SPOCK1: variants seen among roughly 807,000 people sequenced by gnomAD.
The protein encoded by SPOCK1 is testican-1.
In SPOCK1, 23 loss-of-function variants were observed where a neutral mutation model predicts 55.3. The observed-to-expected ratio is 0.42, with a 90% CI of 0.30 to 0.59. The LOEUF is 0.59. SPOCK1 is among the 20% of genes least tolerant of loss of function. The probability of loss-of-function intolerance (pLI) is 0.22; values close to 1 mark genes in which losing one functional copy is unlikely to be tolerated. For missense variants in SPOCK1, 499 were observed against 552.5 expected (o/e 0.90, Z 0.97); for synonymous variants, 226 against 221.0 (o/e 1.02, Z -0.20).
intron 3 of SPOCK1, among the ~76,000 whole-genome samples, chr5:137,245,377 C>A (rs1012094395): frequency 2.6e-5 from 4 of 152,184 alleles, no homozygotes; most frequent in African/African-American, 9.7e-5. Context: ...TGGAACTTTA[C>A]AAGGCCATTC....
At chr5:137,342,818 C>A (rs1750461784) in intron 2 of SPOCK1, among the ~76,000 whole-genome samples, 3 of 152,210 alleles carry the variant, frequency 2.0e-5, no homozygotes, top group Non-Finnish European at 4.4e-5. Flanking sequence ...GTTCTGGTCT[C>A]CAAGTTCGGT....
chr5:137,059,560 T>C (rs1752359036), intron 6 of SPOCK1, among the ~76,000 whole-genome samples: 1 of 152,108 alleles, frequency 6.6e-6, no homozygotes, highest in Non-Finnish European at 1.5e-5. Context: ...ATGACAAAGA[T>C]GCCAAAAGCA....
chr5:137,151,000 C>T (rs1754308943), intron 3 of SPOCK1, among the ~76,000 whole-genome samples: 1 of 152,152 alleles, frequency 6.6e-6, no homozygotes, highest in South Asian at 2.1e-4. Context: ...ACAGCCTGGC[C>T]ACTTCTTTCT....
intron 2 of SPOCK1, among the ~76,000 whole-genome samples, chr5:137,323,550 C>T (rs1261078548): frequency 6.7e-6 from 1 of 149,286 alleles, no homozygotes; most frequent in African/African-American, 2.5e-5. Flanking sequence ...ATGGGCTCAA[C>T]AGAAGGGGAA....
At chr5:137,253,670 A>G (rs1756581463) in intron 3 of SPOCK1, among the ~76,000 whole-genome samples, 1 of 152,184 alleles carries the variant, frequency 6.6e-6, no homozygotes, top group African/African-American at 2.4e-5. Context: ...AGTCTCCTCC[A>G]TGGCAGCCTA....
chr5:137,262,402 C>T (rs1264789498), intron 3 of SPOCK1, among the ~76,000 whole-genome samples: 3 of 152,148 alleles, frequency 2.0e-5, no homozygotes, highest in Non-Finnish European at 4.4e-5. Context: ...AAAAACATCA[C>T]CTCAACTAAA....
At chr5:137,063,981 C>T (rs1384219198) in intron 6 of SPOCK1, among the ~76,000 whole-genome samples, 3 of 152,152 alleles carry the variant, frequency 2.0e-5, no homozygotes, top group Non-Finnish European at 4.4e-5. Flanking sequence ...GTTTTCTGTG[C>T]CCCTGAACAG....
intron 3 of SPOCK1, among the ~76,000 whole-genome samples, chr5:137,234,873 A>G (rs1756145589): frequency 6.6e-6 from 1 of 152,268 alleles, no homozygotes; most frequent in Non-Finnish European, 1.5e-5. Context: ...ATTACTAAAT[A>G]CCAAACATTC....
At chr5:137,349,473 G>A (rs1750629798) in intron 2 of SPOCK1, among the ~76,000 whole-genome samples, 1 of 152,224 alleles carries the variant, frequency 6.6e-6, no homozygotes, top group Non-Finnish European at 1.5e-5. Flanking sequence ...GGAAGATCAA[G>A]CTTACAGCAT....
chr5:136,982,310 T>G (rs913799292), intron 9 of SPOCK1, among the ~76,000 whole-genome samples: 3 of 152,214 alleles, frequency 2.0e-5, no homozygotes, highest in Non-Finnish European at 2.9e-5. Context: ...GTATTTACCC[T>G]CATTTAATTT....
chr5:137,115,324 A>C (rs752059334), intron 4 of SPOCK1, among the ~76,000 whole-genome samples: 5 of 152,190 alleles, frequency 3.3e-5, no homozygotes, highest in Non-Finnish European at 7.3e-5. Flanking sequence ...AACTAGAGAC[A>C]CAGAGAGGAA....
intron 2 of SPOCK1, among the ~76,000 whole-genome samples, chr5:137,441,741 A>G (rs1226198627): frequency 6.6e-6 from 1 of 152,208 alleles, no homozygotes; most frequent in East Asian, 1.9e-4. Context: ...GCAAAAGAGC[A>G]CAGACCCACT....
At chr5:137,264,855 G>T (rs1756814740) in intron 3 of SPOCK1, among the ~76,000 whole-genome samples, 1 of 152,160 alleles carries the variant, frequency 6.6e-6, no homozygotes, top group South Asian at 2.1e-4. Context: ...TTTAAGTGAA[G>T]GCTATTCTCA....
rs185592291 is a variant in SPOCK1 at position 137,189,251 on chromosome 5, A to G, written c.233-48557T>C. On this transcript the variant is annotated intron_variant, in intron 3 of 10. Transcript: ENST00000394945. ...TTCAATGCAGGCAAAACAACTTTCT[A>G]TTGGAAGAAGAAGCCATGTTGGACT... Among the ~76,000 whole-genome samples the G allele has an allele frequency of 3.3e-5, 5 of 152,358 alleles. No homozygotes were observed. In the South Asian group the frequency reaches 6.2e-4, roughly 19 times the overall value.
Position 137,140,675 on chromosome 5 carries a change from G to A in SPOCK1, c.252C>T (p.Asp84=). ...PFDQALDPSK[D]PCLKVKCSPH... The stretch of plus-strand genomic sequence containing the variant: ...GGCTGCATTTTACCTTCAGGCAGGG[G>A]TCCTTGGATGGGTCCAGGGCTGAGG... Residue 84 remains aspartate, a synonymous_variant, in exon 4 of 11, where the codon GAC becomes GAT. Transcript: ENST00000394945. 1 of 1,613,764 alleles carries A rather than the reference G, an allele frequency of 6.2e-7. No homozygotes were observed. The highest frequency in any genetic ancestry group is 8.5e-7 in the Non-Finnish European group (1 of 1,179,912).
chr5:137,222,094 C>G lies in SPOCK1; in HGVS notation c.232+44916G>C, dbSNP rs146610805. On this transcript the variant is annotated intron_variant, in intron 3 of 10. Coordinates refer to ENST00000394945, the MANE Select transcript of SPOCK1 (RefSeq NM_004598.4). ...GAGTTTTCTTGTTTTATTTAAGGTA[C>G]TCAAAACTCTGGCTTTTATCATGTC... Among the ~76,000 whole-genome samples the G allele has an allele frequency of 9.1e-4, 139 of 152,306 alleles. 1 individual carries two copies. Among genetic ancestry groups the G allele is most frequent in the African/African-American group, 3.1e-3 (129 of 41,556 alleles).
At chr5:137,142,376 A>G (rs1754117128) in intron 3 of SPOCK1, among the ~76,000 whole-genome samples, 1 of 152,192 alleles carries the variant, frequency 6.6e-6, no homozygotes, top group Admixed American at 6.5e-5. Flanking sequence ...CGAATTTCTC[A>G]AGGGTCCTGA....
chr5:137,161,044 A>G (rs1754546186), intron 3 of SPOCK1, among the ~76,000 whole-genome samples: 1 of 147,018 alleles, frequency 6.8e-6, no homozygotes, highest in Non-Finnish European at 1.5e-5. Flanking sequence ...TATATTTTAT[A>G]TATATCTCTC....
intron 2 of SPOCK1, among the ~76,000 whole-genome samples, chr5:137,273,828 A>G (rs1052017293): frequency 6.6e-6 from 1 of 152,252 alleles, no homozygotes; most frequent in Non-Finnish European, 1.5e-5. Context: ...ACATTTCTGC[A>G]AAGAAATTCC....
Sources: allele counts gnomAD v4.1 joint callset (sites outside exome capture counted in the v4.1 genomes callset), GRCh38; gene constraint gnomAD v4.1.1; transcripts MANE v1.5; gene names NCBI Gene and HGNC (gene_info 2026-07-23, HGNC 2026-07-21).